EPHA6: variants seen among roughly 807,000 people sequenced by gnomAD.
EPHA6 encodes ephrin type-A receptor 6.
Under a neutral mutation model 112.0 loss-of-function variants are expected in EPHA6, and 50 were observed. That is an observed-to-expected ratio of 0.45 (90% confidence interval 0.36 to 0.56). The LOEUF is 0.56. EPHA6 is among the 20% of genes least tolerant of loss of function. The probability of loss-of-function intolerance (pLI) is 0.00; values close to 1 mark genes in which losing one functional copy is unlikely to be tolerated. For synonymous variants in EPHA6, 529 were observed against 490.7 expected (o/e 1.08, Z -1.03); for missense variants, 1,280 against 1,417.4 (o/e 0.90, Z 1.56).
At chr3:96,931,148 G>C (rs971125943) in intron 2 of EPHA6, among the ~76,000 whole-genome samples, 2 of 152,060 alleles carry the variant, frequency 1.3e-5, no homozygotes, top group Non-Finnish European at 2.9e-5. Flanking sequence ...CAACCAAGGT[G>C]GTGGCCTGCC....
At chr3:97,603,280 G>A (rs932211913) in intron 12 of EPHA6, among the ~76,000 whole-genome samples, 1 of 151,894 alleles carries the variant, frequency 6.6e-6, no homozygotes, top group African/African-American at 2.4e-5. Context: ...GAGGTCAACT[G>A]ATGCAGATGG....
chr3:96,953,639 G>A (rs1254584339), intron 2 of EPHA6, among the ~76,000 whole-genome samples: 1 of 151,996 alleles, frequency 6.6e-6, no homozygotes, highest in Admixed American at 6.6e-5. Flanking sequence ...CTTTTTAAAA[G>A]ATAAAAATGG....
chr3:97,011,754 G>A (rs1346864701), intron 3 of EPHA6, among the ~76,000 whole-genome samples: 1 of 152,188 alleles, frequency 6.6e-6, no homozygotes, highest in Non-Finnish European at 1.5e-5. Flanking sequence ...CACCCAGGTA[G>A]TGAGCATAAT....
chr3:97,287,758 C>T (rs2080524647), intron 5 of EPHA6, among the ~76,000 whole-genome samples: 1 of 152,114 alleles, frequency 6.6e-6, no homozygotes, highest in Admixed American at 6.5e-5. Flanking sequence ...TGGGATGAAT[C>T]CCACTTAAAT....
At chr3:96,989,189 A>G (rs1576265374) in intron 3 of EPHA6, among the ~76,000 whole-genome samples, 2 of 152,244 alleles carry the variant, frequency 1.3e-5, no homozygotes, top group East Asian at 3.9e-4. Flanking sequence ...TATGCATATA[A>G]TGGTCATGGA....
chr3:97,518,217 G>T (rs186515195), intron 10 of EPHA6, among the ~76,000 whole-genome samples: 6 of 152,076 alleles, frequency 3.9e-5, no homozygotes, highest in Non-Finnish European at 2.9e-5. Context: ...CAGTGCACAA[G>T]GTTTTCCCTT....
intron 5 of EPHA6, among the ~76,000 whole-genome samples, chr3:97,345,826 T>C (rs949682786): frequency 6.6e-6 from 1 of 152,176 alleles, no homozygotes; most frequent in African/African-American, 2.4e-5. Context: ...TTAGTAGCTA[T>C]AGCTGCTTGA....
intron 11 of EPHA6, among the ~76,000 whole-genome samples, chr3:97,559,397 C>T (rs1254002617): frequency 6.6e-6 from 1 of 151,784 alleles, no homozygotes; most frequent in South Asian, 2.1e-4. Context: ...GGTTGATGAA[C>T]CAGAAAGGCA....
At chr3:97,606,547 G>A (rs1211173448) in intron 12 of EPHA6, among the ~76,000 whole-genome samples, 1 of 151,222 alleles carries the variant, frequency 6.6e-6, no homozygotes, top group African/African-American at 2.4e-5. Context: ...ATTATAACAG[G>A]AAAAGAAAGT....
intron 10 of EPHA6, among the ~76,000 whole-genome samples, chr3:97,496,530 CACA>C (rs1194867855): frequency 6.6e-6 from 1 of 152,048 alleles, no homozygotes; most frequent in Non-Finnish European, 1.5e-5. Context: ...TTTTATTAAC[CACA>C]ACTTCATTAC....
intron 14 of EPHA6, among the ~76,000 whole-genome samples, chr3:97,666,792 T>C (rs1018903467): frequency 6.6e-6 from 1 of 152,204 alleles, no homozygotes; most frequent in Non-Finnish European, 1.5e-5. Context: ...CAACCCCCTA[T>C]GTCTGAGATC....
At chr3:97,454,188 G>A (rs2090609072) in intron 7 of EPHA6, among the ~76,000 whole-genome samples, 1 of 151,612 alleles carries the variant, frequency 6.6e-6, no homozygotes, top group African/African-American at 2.4e-5. Flanking sequence ...AAATGTTCTT[G>A]CCAGTGAGAA....
chr3:96,981,628 G>C (rs2042788081), intron 2 of EPHA6, among the ~76,000 whole-genome samples: 1 of 152,136 alleles, frequency 6.6e-6, no homozygotes, highest in Admixed American at 6.6e-5. Context: ...AGAAGGAATG[G>C]TACCAGCTCC....
intron 2 of EPHA6, among the ~76,000 whole-genome samples, chr3:96,890,531 G>T (rs1255392837): frequency 6.6e-6 from 1 of 151,988 alleles, no homozygotes; most frequent in African/African-American, 2.4e-5. Context: ...ATATTTATGT[G>T]GAACATATAA....
At chr3:96,840,492 A>G (rs965877894) in intron 1 of EPHA6, among the ~76,000 whole-genome samples, 6 of 152,100 alleles carry the variant, frequency 3.9e-5, no homozygotes, top group African/African-American at 1.4e-4. Flanking sequence ...TGCCTTCGTT[A>G]TTCTGGACCT....
chr3:97,301,767 T>A (rs2081101064), intron 5 of EPHA6, among the ~76,000 whole-genome samples: 2 of 152,170 alleles, frequency 1.3e-5, no homozygotes, highest in Admixed American at 6.6e-5. Flanking sequence ...TATTAACTAG[T>A]TCACTTAAAA....
chr3:97,093,182 A>C (rs984580316), intron 3 of EPHA6, among the ~76,000 whole-genome samples: 2 of 152,146 alleles, frequency 1.3e-5, no homozygotes, highest in Non-Finnish European at 1.5e-5. Context: ...CTTTTGGTGG[A>C]TATCTAGCCA....
chr3:97,237,151 T>C (rs1181968064), intron 4 of EPHA6, among the ~76,000 whole-genome samples: 1 of 151,430 alleles, frequency 6.6e-6, no homozygotes, highest in African/African-American at 2.4e-5. Flanking sequence ...AAGGGAGAAA[T>C]TGCAACGACA....
At chr3:97,528,847 A>G (rs1304042933) in intron 10 of EPHA6, among the ~76,000 whole-genome samples, 1 of 152,142 alleles carries the variant, frequency 6.6e-6, no homozygotes, top group Admixed American at 6.6e-5. Flanking sequence ...ATCCAGGGAG[A>G]TAGATGGGGT....
Sources: gnomAD v4.1 joint callset for allele counts (sites outside exome capture counted in the v4.1 genomes callset) on GRCh38, gnomAD v4.1.1 for gene constraint, MANE v1.5 for transcripts, NCBI Gene and HGNC (gene_info 2026-07-23, HGNC 2026-07-21) for gene names.